The following PEX3 variants were observed in gnomAD, a reference collection of about 807,000 sequenced individuals.
PEX3 encodes peroxisomal biogenesis factor 3.
Under a neutral mutation model 55.8 loss-of-function variants are expected in PEX3, and 30 were observed. The ratio of observed to expected loss-of-function variants is 0.54; its 90% CI spans 0.40 to 0.73. PEX3 has a LOEUF of 0.73. PEX3 is among the 30% of genes least tolerant of loss of function. The pLI is 0.00. For synonymous variants in PEX3, 135 were observed against 148.4 expected (o/e 0.91, Z 0.66); for missense variants, 351 against 432.8 (o/e 0.81, Z 1.68).
rs1293251066 is a variant in PEX3 at position 143,466,629 on chromosome 6, G to A, written c.288-1493G>A. ...ATCTTCAGTTTCAGGCATCTACCGA[G>A]GGTCTTCAAACGTATCCCCCAAGGA... On this transcript the variant is annotated intron_variant, in intron 3 of 11. Coordinates refer to ENST00000367591, the MANE Select transcript of PEX3 (RefSeq NM_003630.3). The surrounding 1 kb of genome is among the most constrained non-coding windows in gnomAD (Gnocchi z 5.4). Among the ~76,000 whole-genome samples, 2 of 151,956 alleles carry A rather than the reference G, an allele frequency of 1.3e-5. No homozygotes were observed. Among genetic ancestry groups the A allele is most frequent in the Non-Finnish European group, 2.9e-5 (2 of 67,914 alleles).
chr6:143,477,760 C>T (rs901587315), intron 9 of PEX3, among the ~76,000 whole-genome samples: 4 of 152,112 alleles, frequency 2.6e-5, no homozygotes, highest in African/African-American at 9.7e-5. Flanking sequence ...TCACTTAAAC[C>T]TTACAGTAAC....
chr6:143,484,609 CT>C (rs1436329076), intron 10 of PEX3, among the ~76,000 whole-genome samples: 1 of 151,902 alleles, frequency 6.6e-6, no homozygotes, highest in African/African-American at 2.4e-5. Context: ...CTATTTTCAC[CT>C]ATCAGATGTG....
At position 143,463,134 on chromosome 6, in the gene PEX3, C is replaced by A; in HGVS notation, c.287+137C>A. 1.5e-6 allele frequency: 1 copy of A among 681,134 alleles called. No individual in the cohort carries two copies. The highest frequency in any genetic ancestry group is 2.6e-6 in the Non-Finnish European group (1 of 379,764). 42.2% of individuals were successfully genotyped at this position (681,134 alleles called of 1,614,324 possible). On this transcript the variant is annotated intron_variant, in intron 3 of 11. Coordinates refer to ENST00000367591, the MANE Select transcript of PEX3 (RefSeq NM_003630.3). This position sits in a 1 kb window ranked among gnomAD's most constrained non-coding sequence, Gnocchi z 5.7. ...ATAGGCTCAGTAAGAAAAATACTAACTATATCATTTAACCTACATTTAATT... is the reference window on the plus strand; with the variant it reads ...ATAGGCTCAGTAAGAAAAATACTAAATATATCATTTAACCTACATTTAATT...
rs161063 is a variant in PEX3 at position 143,476,037 on chromosome 6, T to C, written c.818+1181T>C. Among the ~76,000 whole-genome samples, 20,924 of 152,248 alleles carry C rather than the reference T, an allele frequency of 0.14. 1,605 individuals are homozygous for C. Among genetic ancestry groups the C allele is most frequent in the East Asian group, 0.33 (1,712 of 5,178 alleles). The stretch of plus-strand genomic sequence containing the variant: ...ATGTAATGTCAAGTATGTATAACTT[T>C]GTTGATGAAACACAAAGCAGGGTAA... On this transcript the variant is annotated intron_variant, in intron 9 of 11. Coordinates refer to ENST00000367591, the MANE Select transcript of PEX3 (RefSeq NM_003630.3). The surrounding 1 kb of genome is among the most constrained non-coding windows in gnomAD (Gnocchi z 5.4).
chr6:143,487,951 A>G lies in PEX3; in HGVS notation c.1039-1192A>G, dbSNP rs1356969878. ...ATATTTTATCTTCTCAATAATCAAG[A>G]GCGTGTTTGAGTTTTCTTTACATTT... On this transcript the variant is annotated intron_variant, in intron 11 of 11. Transcript: ENST00000367591. This position sits in a 1 kb window ranked among gnomAD's most constrained non-coding sequence, Gnocchi z 5.3. Among the ~76,000 whole-genome samples the G allele has an allele frequency of 1.3e-5, 2 of 152,126 alleles. No individual in the cohort carries two copies. The highest frequency in any genetic ancestry group is 2.9e-5 in the Non-Finnish European group (2 of 68,002).
In PEX3 at chr6:143,459,200, G is replaced by A. The variant is rs1316750476; in HGVS notation, c.189G>A (p.Arg63=). ...RRQYHFESNQ[R]TCNMTVLSML... ...AATATCATTTTGAAAGTAACCAGAG[G>A]ACTTGCAATATGACAGGTAAGACAG... Residue 63 remains arginine, a synonymous_variant, in exon 2 of 12, where the codon AGG becomes AGA. Coordinates refer to ENST00000367591, the MANE Select transcript of PEX3 (RefSeq NM_003630.3). The surrounding 1 kb of genome is among the most constrained non-coding windows in gnomAD (Gnocchi z 4.2). 3.7e-6 allele frequency: 6 copies of A among 1,612,738 alleles called. No individual in the cohort carries two copies. Among genetic ancestry groups the A allele is most frequent in the Middle Eastern group, 1.7e-4 (1 of 6,056 alleles).
At position 143,453,132 on chromosome 6, in the gene PEX3, C is replaced by G. The variant is rs1319249298; in HGVS notation, c.73+2017C>G. On this transcript the variant is annotated intron_variant, in intron 1 of 11. Transcript: ENST00000367591. The surrounding 1 kb of genome is among the most constrained non-coding windows in gnomAD (Gnocchi z 4.6). ...TATTATATCACTGTGCTTTCATGGCCTTTATAGTCTGATAGGAAGGAAAAG... is the reference window on the plus strand; with the variant it reads ...TATTATATCACTGTGCTTTCATGGCGTTTATAGTCTGATAGGAAGGAAAAG... 1.3e-5 allele frequency among the ~76,000 whole-genome samples: 2 copies of G among 152,018 alleles called. No homozygotes were observed. The highest frequency in any genetic ancestry group is 4.8e-5 in the African/African-American group (2 of 41,370).
chr6:143,485,040 TAATAGA>T lies in PEX3; in HGVS notation c.942-111_942-106del. On this transcript the variant is annotated intron_variant, in intron 10 of 11. Coordinates refer to ENST00000367591, the MANE Select transcript of PEX3 (RefSeq NM_003630.3). The surrounding 1 kb of genome is among the most constrained non-coding windows in gnomAD (Gnocchi z 5.6). ...GAATTGTGGGGTTTTTTTTCCTTTT[TAATAGA>T]TTTCCAAAAATATTCTACAATGGCT... is the stretch of plus-strand genomic sequence containing the variant. 2.7e-6 allele frequency: 2 copies of T among 739,248 alleles called. No individual in the cohort carries two copies. Among genetic ancestry groups the T allele is most frequent in the Non-Finnish European group, 2.4e-6 (1 of 411,634 alleles). The allele number at this position is 739,248 out of a possible 1,614,324, so 45.8% of individuals were successfully genotyped here. A position where few individuals can be genotyped will look rare whatever the true frequency, so the allele number is the denominator to read the frequency against.
At position 143,458,641 on chromosome 6, in the gene PEX3, A is replaced by G. The variant is rs145191572; in HGVS notation, c.74-444A>G. Among the ~76,000 whole-genome samples, 282 of 152,334 alleles carry G rather than the reference A, an allele frequency of 1.9e-3. No individual in the cohort carries two copies. Among genetic ancestry groups the G allele is most frequent in the African/African-American group, 6.3e-3 (261 of 41,582 alleles). Reference sequence around the variant, plus strand: ...TTTTGTATCTGTTTCCATTAAAAAAAGTAACATTTCTGGGATCTTATTTTA... The same window carrying G: ...TTTTGTATCTGTTTCCATTAAAAAAGGTAACATTTCTGGGATCTTATTTTA... On this transcript the variant is annotated intron_variant, in intron 1 of 11. Transcript: ENST00000367591. This position sits in a 1 kb window ranked among gnomAD's most constrained non-coding sequence, Gnocchi z 6.1.
At chr6:143,470,713 A>G (rs1417245485) in intron 4 of PEX3, among the ~76,000 whole-genome samples, 1 of 152,224 alleles carries the variant, frequency 6.6e-6, no homozygotes, top group African/African-American at 2.4e-5. Context: ...TTTCTAAGCT[A>G]ATAGTATATA....
Position 143,472,322 on chromosome 6 carries a change from A to T in PEX3, c.741A>T (p.Ala247=). ...TGCCAGATGAAGAAACTCCATTAGC[A>T]GTGCAGGTGCTTAATTCATAACCAT... ...YMMPDEETPL[A]VQACGLSPRD... is the part of the protein sequence containing the mutation. Residue 247 remains alanine, a synonymous_variant, in exon 8 of 12, where the codon GCA becomes GCT. Transcript: ENST00000367591. 6.2e-7 allele frequency: 1 copy of T among 1,604,146 alleles called. No homozygotes were observed. The highest frequency in any genetic ancestry group is 8.5e-7 in the Non-Finnish European group (1 of 1,171,712).
At chr6:143,456,947 A>G (rs1779855251) in intron 1 of PEX3, among the ~76,000 whole-genome samples, 1 of 152,186 alleles carries the variant, frequency 6.6e-6, no homozygotes. Context: ...CTTATATCAT[A>G]CTGCCTATGC....
chr6:143,489,102 A>G lies in PEX3; in HGVS notation c.1039-41A>G. 2.3e-6 allele frequency: 3 copies of G among 1,281,456 alleles called. No homozygotes were observed. The highest frequency in any genetic ancestry group is 2.3e-6 in the Non-Finnish European group (2 of 877,042). The allele number at this position is 1,281,456 out of a possible 1,614,324, so 79.4% of individuals were successfully genotyped here. ...GCAGAAATTAATTCAAATTAGCTATATGTTTTGCAAACTATAATGTTATAT... is the reference window on the plus strand; with the variant it reads ...GCAGAAATTAATTCAAATTAGCTATGTGTTTTGCAAACTATAATGTTATAT... On this transcript the variant is annotated intron_variant, in intron 11 of 11. Coordinates refer to ENST00000367591, the MANE Select transcript of PEX3 (RefSeq NM_003630.3). This position sits in a 1 kb window ranked among gnomAD's most constrained non-coding sequence, Gnocchi z 5.5.
At chr6:143,455,503 C>T (rs1779834219) in intron 1 of PEX3, among the ~76,000 whole-genome samples, 1 of 151,524 alleles carries the variant, frequency 6.6e-6, no homozygotes, top group Non-Finnish European at 1.5e-5. Context: ...GCATGAGCCA[C>T]CGCGCCCTGC....
chr6:143,470,066 T>C (rs957488203), intron 4 of PEX3, among the ~76,000 whole-genome samples: 1 of 152,010 alleles, frequency 6.6e-6, no homozygotes, highest in Non-Finnish European at 1.5e-5. Context: ...TCTCTTGCCT[T>C]AGCCTCCCGA....
chr6:143,478,569 A>G (rs1482993947), intron 9 of PEX3, among the ~76,000 whole-genome samples: 1 of 152,096 alleles, frequency 6.6e-6, no homozygotes, highest in Non-Finnish European at 1.5e-5. Flanking sequence ...TATTCTTTAT[A>G]TTAAAGAGTT....
intron 4 of PEX3, 23 bp from the exon 5 acceptor site, chr6:143,470,938 A>G: frequency 1.2e-6 from 2 of 1,605,126 alleles, no homozygotes. Context: ...ACAGTACCAA[A>G]TGCTTTTCTT....
intron 2 of PEX3, among the ~76,000 whole-genome samples, chr6:143,460,450 A>T (rs1290204920): frequency 3.3e-5 from 5 of 152,216 alleles, no homozygotes; most frequent in Admixed American, 6.5e-5. Context: ...TATGATAAAT[A>T]CTTGGTAAAT....
At position 143,479,682 on chromosome 6, in the gene PEX3, T is replaced by G. The variant is rs1047129866; in HGVS notation, c.941+484T>G. On this transcript the variant is annotated intron_variant, in intron 10 of 11. Transcript: ENST00000367591. This position sits in a 1 kb window ranked among gnomAD's most constrained non-coding sequence, Gnocchi z 4.6. ...TTAAATGTATTCATTCCAGTCCTTA[T>G]TACAGAATTAGGAACATGTATTAGT... is the stretch of plus-strand genomic sequence containing the variant. Among the ~76,000 whole-genome samples, 13 of 152,072 alleles carry G rather than the reference T, an allele frequency of 8.5e-5. No individual in the cohort carries two copies. Among genetic ancestry groups the G allele is most frequent in the Non-Finnish European group, 4.4e-5 (3 of 67,924 alleles).
Sources: allele counts gnomAD v4.1 joint callset (sites outside exome capture counted in the v4.1 genomes callset), GRCh38; gene constraint gnomAD v4.1.1; non-coding constraint Gnocchi (gnomAD v3.1); transcripts MANE v1.5; gene names NCBI Gene and HGNC (gene_info 2026-07-23, HGNC 2026-07-21).